ADAMTS17: variants seen among roughly 807,000 people sequenced by gnomAD.
ADAMTS17 encodes ADAM metallopeptidase with thrombospondin type 1 motif 17.
ADAMTS17 carries 113 observed loss-of-function variants against 141.5 expected under a neutral mutation model. That is an observed-to-expected ratio of 0.80 (90% CI 0.69 to 0.93). ADAMTS17 has a LOEUF of 0.93. ADAMTS17 is among the 40% of genes least tolerant of loss of function. The probability of loss-of-function intolerance (pLI) is 0.00; values close to 1 mark genes in which losing one functional copy is unlikely to be tolerated. For missense variants in ADAMTS17, 1,659 were observed against 1,517.9 expected (o/e 1.09, Z -1.54); for synonymous variants, 768 against 630.6 (o/e 1.22, Z -3.27).
chr15:100,021,875 C>A (rs1423337218), intron 18 of ADAMTS17, among the ~76,000 whole-genome samples: 1 of 152,058 alleles, frequency 6.6e-6, no homozygotes, highest in South Asian at 2.1e-4. Context: ...ACGCCCTCCT[C>A]ATTTCTCGGT....
intron 18 of ADAMTS17, among the ~76,000 whole-genome samples, chr15:100,011,335 G>T (rs1317402646): frequency 2.4e-5 from 2 of 84,562 alleles, no homozygotes; most frequent in Non-Finnish European, 5.8e-5. Flanking sequence ...GAGGGAGGGA[G>T]GGAAGGAAAG....
At chr15:100,102,810 T>C (rs1189930436) in intron 14 of ADAMTS17, among the ~76,000 whole-genome samples, 1 of 152,176 alleles carries the variant, frequency 6.6e-6, no homozygotes, top group African/African-American at 2.4e-5. Context: ...CCTAACATTT[T>C]ACTTGACAGC....
intron 3 of ADAMTS17, among the ~76,000 whole-genome samples, chr15:100,310,598 C>T (rs984201358): frequency 2.0e-5 from 3 of 152,202 alleles, no homozygotes; most frequent in Admixed American, 6.5e-5. Context: ...AGAAGGTCCC[C>T]TGCAGCAGAT....
chr15:100,140,794 C>G (rs117058281), intron 10 of ADAMTS17, among the ~76,000 whole-genome samples: 298 of 152,232 alleles, frequency 2.0e-3, no homozygotes, highest in Non-Finnish European at 3.6e-3. Flanking sequence ...TGCAATCATG[C>G]ATTCTCGGTG....
intron 15 of ADAMTS17, among the ~76,000 whole-genome samples, chr15:100,074,647 G>A (rs2034238924): frequency 2.0e-5 from 3 of 152,032 alleles, no homozygotes; most frequent in African/African-American, 7.2e-5. Context: ...TAGAACTTTT[G>A]CAAAATTATT....
In ADAMTS17 at chr15:100,019,454, T is replaced by A. The variant is rs934598; in HGVS notation, c.2592-21865A>T. Among the ~76,000 whole-genome samples, 1,138 of 152,314 alleles carry A rather than the reference T, an allele frequency of 7.5e-3. 15 individuals are homozygous for A. Among genetic ancestry groups the A allele is most frequent in the African/African-American group, 0.025 (1,053 of 41,560 alleles). On this transcript the variant is annotated intron_variant, in intron 18 of 21. Transcript: ENST00000268070. The stretch of plus-strand genomic sequence containing the variant: ...ATTAGTTAATCTCGGTACTTTTCTG[T>A]ACCATGAAAATTTTTATAAGAAAAA...
At chr15:100,264,589 A>G (rs574404923) in intron 4 of ADAMTS17, among the ~76,000 whole-genome samples, 1 of 152,328 alleles carries the variant, frequency 6.6e-6, no homozygotes, top group African/African-American at 2.4e-5. Context: ...CCACAAAAGG[A>G]AAGACTGCAA....
intron 20 of ADAMTS17, among the ~76,000 whole-genome samples, chr15:99,983,175 G>C (rs1213881384): frequency 6.6e-6 from 1 of 152,188 alleles, no homozygotes; most frequent in African/African-American, 2.4e-5. Flanking sequence ...CGTCGCAGCA[G>C]GGCCCACCAC....
At chr15:99,984,973 C>A (rs1418582680) in intron 20 of ADAMTS17, among the ~76,000 whole-genome samples, 1 of 152,236 alleles carries the variant, frequency 6.6e-6, no homozygotes, top group African/African-American at 2.4e-5. Flanking sequence ...AGGCACTGGC[C>A]TTTGGACCAT....
At chr15:100,229,272 G>A (rs1374136193) in intron 7 of ADAMTS17, among the ~76,000 whole-genome samples, 1 of 152,024 alleles carries the variant, frequency 6.6e-6, no homozygotes, top group Non-Finnish European at 1.5e-5. Context: ...CTCCTAGGTA[G>A]CTCTCCCCAC....
At chr15:100,319,664 C>T (rs571923281) in intron 3 of ADAMTS17, among the ~76,000 whole-genome samples, 45 of 152,240 alleles carry the variant, frequency 3.0e-4, no homozygotes, top group Middle Eastern at 3.4e-3. Flanking sequence ...GAGTCAAGAC[C>T]GTACCACTGC....
chr15:100,023,932 A>G (rs777518458), intron 18 of ADAMTS17, among the ~76,000 whole-genome samples: 6 of 152,218 alleles, frequency 3.9e-5, no homozygotes, highest in Non-Finnish European at 8.8e-5. Context: ...GGAAAGTACA[A>G]AAAATAGCGA....
At chr15:100,222,097 C>T (rs1428547024) in intron 7 of ADAMTS17, among the ~76,000 whole-genome samples, 1 of 152,230 alleles carries the variant, frequency 6.6e-6, no homozygotes, top group Non-Finnish European at 1.5e-5. Flanking sequence ...CTCACCACTG[C>T]AGGAGCGGGA....
chr15:100,285,203 T>A (rs1192142267), intron 3 of ADAMTS17, among the ~76,000 whole-genome samples: 5 of 152,240 alleles, frequency 3.3e-5, no homozygotes, highest in African/African-American at 1.2e-4. Context: ...TATGTATTTA[T>A]GTAAGATACC....
chr15:100,126,463 T>C (rs1219363561), intron 12 of ADAMTS17: 3 of 152,236 alleles, frequency 2.0e-5, no homozygotes, highest in East Asian at 1.9e-4. Context: ...GTGTTGAAGC[T>C]TGTTCTCAAG....
chr15:100,065,325 G>C (rs1217729795), intron 15 of ADAMTS17, among the ~76,000 whole-genome samples: 1 of 152,148 alleles, frequency 6.6e-6, no homozygotes, highest in Non-Finnish European at 1.5e-5. Flanking sequence ...GCTAGGTAAT[G>C]TATGTATAAG....
intron 3 of ADAMTS17, among the ~76,000 whole-genome samples, chr15:100,292,666 A>T (rs773967921): frequency 6.6e-6 from 1 of 152,242 alleles, no homozygotes; most frequent in Non-Finnish European, 1.5e-5. Flanking sequence ...ACTACATCCC[A>T]TTCTACAGAT....
intron 3 of ADAMTS17, among the ~76,000 whole-genome samples, chr15:100,301,339 A>ATC (rs368057785): frequency 6.6e-5 from 10 of 150,752 alleles, no homozygotes; most frequent in African/African-American, 2.4e-4. Flanking sequence ...ATATATATAT[A>ATC]TTTTTCTGAG....
chr15:100,073,467 T>C (rs967518474), intron 15 of ADAMTS17, among the ~76,000 whole-genome samples: 11 of 152,074 alleles, frequency 7.2e-5, no homozygotes, highest in African/African-American at 2.4e-4. Flanking sequence ...TGCACACGTA[T>C]GTTTATTGCG....
Sources: gnomAD v4.1 joint callset for allele counts (sites outside exome capture counted in the v4.1 genomes callset) on GRCh38, gnomAD v4.1.1 for gene constraint, MANE v1.5 for transcripts, NCBI Gene and HGNC (gene_info 2026-07-23, HGNC 2026-07-21) for gene names.